The following SEMA6D variants were observed in gnomAD, a reference collection of about 807,000 sequenced individuals.
SEMA6D encodes the protein semaphorin-6D.
A neutral mutation model predicts 106.6 loss-of-function variants in SEMA6D; 35 were observed. That is an observed-to-expected ratio of 0.33 (90% CI 0.25 to 0.44). The LOEUF (loss-of-function observed/expected upper bound fraction) is 0.44. SEMA6D is among the 20% of genes least tolerant of loss of function. SEMA6D has a pLI of 1.00. For missense variants in SEMA6D, 1,185 were observed against 1,345.9 expected (o/e 0.88, Z 1.87); for synonymous variants, 499 against 487.7 (o/e 1.02, Z -0.31).
At chr15:47,703,522 T>C (rs2078856385) in intron 4 of SEMA6D, among the ~76,000 whole-genome samples, 1 of 151,902 alleles carries the variant, frequency 6.6e-6, no homozygotes. Flanking sequence ...GAAAAAAAAA[T>C]GAAAGGAACC....
intron 4 of SEMA6D, among the ~76,000 whole-genome samples, chr15:47,637,752 C>T (rs980383753): frequency 5.3e-5 from 8 of 152,180 alleles, no homozygotes; most frequent in African/African-American, 1.4e-4. Flanking sequence ...AAAGTGGCCT[C>T]TCTGCTAAGG....
intron 3 of SEMA6D, among the ~76,000 whole-genome samples, chr15:47,580,517 A>G (rs1188952277): frequency 6.6e-6 from 1 of 152,100 alleles, no homozygotes; most frequent in Non-Finnish European, 1.5e-5. Context: ...AACCCTTCTT[A>G]TTCTATTACC....
intron 4 of SEMA6D, among the ~76,000 whole-genome samples, chr15:47,658,354 C>T (rs1191990344): frequency 1.3e-5 from 2 of 152,052 alleles, no homozygotes; most frequent in African/African-American, 4.8e-5. Context: ...TTTTTCTCAA[C>T]TCTTACACGC....
intron 1 of SEMA6D, among the ~76,000 whole-genome samples, chr15:47,411,049 T>C (rs1165711304): frequency 6.6e-6 from 1 of 152,112 alleles, no homozygotes; most frequent in African/African-American, 2.4e-5. Flanking sequence ...TCAGCTTTTC[T>C]TCTTGGTGGT....
intron 3 of SEMA6D, among the ~76,000 whole-genome samples, chr15:47,552,824 A>AT (rs1204942486): frequency 0.012 from 625 of 53,858 alleles, 64 homozygotes; most frequent in Non-Finnish European, 0.016. Flanking sequence ...ATAAATATAT[A>AT]TATTTTTATA....
intron 3 of SEMA6D, among the ~76,000 whole-genome samples, chr15:47,561,772 T>G (rs543320155): frequency 1.2e-3 from 179 of 151,894 alleles, no homozygotes; most frequent in African/African-American, 4.2e-3. Context: ...TAAACAATAA[T>G]TAAAACACTG....
chr15:47,765,385 C>T (rs947501118), intron 13 of SEMA6D: 2 of 1,114,530 alleles, frequency 1.8e-6, no homozygotes, highest in Non-Finnish European at 2.2e-6. Context: ...TGCATACACA[C>T]ACACACAAAT....
At chr15:47,585,368 C>A (rs1024748626) in intron 3 of SEMA6D, among the ~76,000 whole-genome samples, 6 of 152,086 alleles carry the variant, frequency 3.9e-5, no homozygotes, top group Admixed American at 3.9e-4. Context: ...TTGGTAAATA[C>A]CACAACATTA....
At chr15:47,356,216 TC>T (rs1170490596) in intron 1 of SEMA6D, among the ~76,000 whole-genome samples, 1 of 152,184 alleles carries the variant, frequency 6.6e-6, no homozygotes, top group Non-Finnish European at 1.5e-5. Context: ...TAAGCCTAAA[TC>T]CCTCAGGGAG....
At chr15:47,257,485 A>T (rs2033870884) in intron 1 of SEMA6D, among the ~76,000 whole-genome samples, 1 of 152,084 alleles carries the variant, frequency 6.6e-6, no homozygotes, top group Admixed American at 6.6e-5. Flanking sequence ...ACATATTTTG[A>T]TATGTTCTAT....
chr15:47,229,722 A>G (rs1013210669), intron 1 of SEMA6D, among the ~76,000 whole-genome samples: 6 of 152,130 alleles, frequency 3.9e-5, no homozygotes, highest in Non-Finnish European at 8.8e-5. Flanking sequence ...TTACAGTCAT[A>G]TTGGTCTCCT....
chr15:47,696,397 T>C (rs577490656), intron 4 of SEMA6D, among the ~76,000 whole-genome samples: 90 of 152,336 alleles, frequency 5.9e-4, no homozygotes, highest in African/African-American at 2.1e-3. Context: ...TCTTTCAGTC[T>C]GAACAACACA....
chr15:47,352,085 A>G (rs2038348908), intron 1 of SEMA6D, among the ~76,000 whole-genome samples: 1 of 152,204 alleles, frequency 6.6e-6, no homozygotes, highest in Non-Finnish European at 1.5e-5. Context: ...GAAACTGGAA[A>G]TCTGTTTCCC....
At chr15:47,543,819 G>T (rs1052304241) in intron 3 of SEMA6D, among the ~76,000 whole-genome samples, 1 of 151,880 alleles carries the variant, frequency 6.6e-6, no homozygotes, top group African/African-American at 2.4e-5. Context: ...TTGATTCTGG[G>T]TACTTTCACT....
chr15:47,630,115 G>A (rs778764617), intron 4 of SEMA6D, among the ~76,000 whole-genome samples: 3 of 151,852 alleles, frequency 2.0e-5, no homozygotes, highest in Non-Finnish European at 4.4e-5. Context: ...AGGTTTCTGA[G>A]AAAACTCCAT....
At chr15:47,733,979 C>A (rs970137896) in intron 1 of SEMA6D, among the ~76,000 whole-genome samples, 3 of 152,134 alleles carry the variant, frequency 2.0e-5, no homozygotes, top group African/African-American at 7.2e-5. Context: ...TTTCTTGAGC[C>A]CATCAGAGCA....
intron 1 of SEMA6D, among the ~76,000 whole-genome samples, chr15:47,735,564 AAAAC>A (rs1567045549): frequency 2.0e-5 from 3 of 152,256 alleles, no homozygotes; most frequent in African/African-American, 7.2e-5. Context: ...CATTTCAGAG[AAAAC>A]AAACAACTCC....
At chr15:47,749,769 T>G (rs1230517115) in intron 1 of SEMA6D, among the ~76,000 whole-genome samples, 1 of 151,954 alleles carries the variant, frequency 6.6e-6, no homozygotes, top group Non-Finnish European at 1.5e-5. Context: ...AGTGAATTGG[T>G]GGTAGTGAAG....
intron 1 of SEMA6D, among the ~76,000 whole-genome samples, chr15:47,203,186 A>G (rs1487494790): frequency 6.6e-6 from 1 of 152,056 alleles, no homozygotes; most frequent in African/African-American, 2.4e-5. Context: ...GCACTTTGAC[A>G]TGTTGAGAGG....
Sources: gnomAD v4.1 joint callset for allele counts (sites outside exome capture counted in the v4.1 genomes callset) on GRCh38, gnomAD v4.1.1 for gene constraint, MANE v1.5 for transcripts, NCBI Gene and HGNC (gene_info 2026-07-23, HGNC 2026-07-21) for gene names.